The following IVD variants were observed in gnomAD, a reference collection of about 807,000 sequenced individuals.
The protein encoded by IVD is isovaleryl-CoA dehydrogenase.
Under a neutral mutation model 51.3 loss-of-function variants are expected in IVD, and 31 were observed. That is an observed-to-expected ratio of 0.60 (90% confidence interval 0.45 to 0.81). The LOEUF (loss-of-function observed/expected upper bound fraction) is 0.81. Among genes scored for constraint, IVD ranks in the 40% least tolerant of loss-of-function variants. The pLI is 0.00. For synonymous variants in IVD, 205 were observed against 219.4 expected (o/e 0.93, Z 0.58); for missense variants, 475 against 552.0 (o/e 0.86, Z 1.40).
Position 40,420,276 on chromosome 15 carries a change from A to C in IVD, c.*2013A>C. 4.1e-6 allele frequency: 4 copies of C among 987,572 alleles called. No individual in the cohort carries two copies. The highest frequency in any genetic ancestry group is 4.8e-6 in the Non-Finnish European group (4 of 830,152). 61.2% of individuals were successfully genotyped at this position (987,572 alleles called of 1,614,324 possible). On this transcript the variant is annotated 3_prime_UTR_variant, in exon 12 of 12. Coordinates refer to ENST00000487418, the MANE Select transcript of IVD (RefSeq NM_002225.5). ...ACCATCCAGTCCTGGCCGTGTGACC[A>C]CCCACAGCTGACTGGGCAGCAGGCA... is the stretch of plus-strand genomic sequence containing the variant.
chr15:40,406,597 C>T (rs1890444156), intron 1 of IVD, among the ~76,000 whole-genome samples: 1 of 148,444 alleles, frequency 6.7e-6, no homozygotes, highest in African/African-American at 2.5e-5. Flanking sequence ...GGTTTGAGAT[C>T]AGCCTAAGCA....
intron 8 of IVD, chr15:40,435,389 C>A (rs765297953): frequency 6.4e-6 from 7 of 1,094,500 alleles, no homozygotes; most frequent in Non-Finnish European, 7.9e-6. Flanking sequence ...TTGTGGACAG[C>A]GCTAAAAGAG....
downstream of IVD, among the ~76,000 whole-genome samples, chr15:40,425,865 A>C (rs1371451276): frequency 3.3e-5 from 5 of 152,084 alleles, no homozygotes; most frequent in East Asian, 9.7e-4. Context: ...GCTGGAGTGC[A>C]GCGGCGCAGT....
downstream of IVD, among the ~76,000 whole-genome samples, chr15:40,421,590 G>A (rs941268982): frequency 8.5e-5 from 13 of 152,202 alleles, no homozygotes; most frequent in African/African-American, 3.1e-4. Context: ...TGGCAACCTA[G>A]AATAAATGCA....
Position 40,420,180 on chromosome 15 carries a change from T to C in IVD, c.*1917T>C. On this transcript the variant is annotated 3_prime_UTR_variant, in exon 12 of 12. Coordinates refer to ENST00000487418, the MANE Select transcript of IVD (RefSeq NM_002225.5). Reference sequence around the variant, plus strand: ...GGCAGAGCAGAGGACAGCGTGCTTTTGTGTACTGTTGGAAGACTGGCTCCT... The same window carrying C: ...GGCAGAGCAGAGGACAGCGTGCTTTCGTGTACTGTTGGAAGACTGGCTCCT... 1.0e-6 allele frequency: 1 copy of C among 985,790 alleles called. No homozygotes were observed. The highest frequency in any genetic ancestry group is 1.2e-6 in the Non-Finnish European group (1 of 830,128). The allele number at this position is 985,790 out of a possible 1,614,324, so 61.1% of individuals were successfully genotyped here. A position where few individuals can be genotyped will look rare whatever the true frequency, so the allele number is the denominator to read the frequency against.
Position 40,420,959 on chromosome 15 carries a change from C to G in IVD, c.*2696C>G, listed in dbSNP as rs1459068145. 3.0e-6 allele frequency: 3 copies of G among 985,418 alleles called. No homozygotes were observed. The highest frequency in any genetic ancestry group is 3.6e-6 in the Non-Finnish European group (3 of 830,006). The allele number at this position is 985,418 out of a possible 1,614,324, so 61.0% of individuals were successfully genotyped here. ...GCAGCACCTATCCTGGCTCTTGGTC[C>G]TGGCCTGCAGCCAAGTGCTGTTCCT... is the stretch of plus-strand genomic sequence containing the variant. On this transcript the variant is annotated 3_prime_UTR_variant, in exon 12 of 12. Coordinates refer to ENST00000487418, the MANE Select transcript of IVD (RefSeq NM_002225.5).
intron 7 of IVD, among the ~76,000 whole-genome samples, chr15:40,432,252 C>G (rs1321547901): frequency 6.6e-6 from 1 of 152,196 alleles, no homozygotes; most frequent in African/African-American, 2.4e-5. Flanking sequence ...CCTATCATAT[C>G]TAAGTCTTGA....
chr15:40,430,390 T>G (rs1396602831), intron 7 of IVD, among the ~76,000 whole-genome samples: 1 of 152,210 alleles, frequency 6.6e-6, no homozygotes, highest in Non-Finnish European at 1.5e-5. Context: ...GGAGTGTGAC[T>G]GAGCCCGAGA....
Position 40,420,904 on chromosome 15 carries a change from A to C in IVD, c.*2641A>C. On this transcript the variant is annotated 3_prime_UTR_variant, in exon 12 of 12. Coordinates refer to ENST00000487418, the MANE Select transcript of IVD (RefSeq NM_002225.5). ...TCCACCCCTTCCGAGTTCCAAAAAGAGGGAACTGGTTTTCTTGGTTCTCAG... is the reference window on the plus strand; with the variant it reads ...TCCACCCCTTCCGAGTTCCAAAAAGCGGGAACTGGTTTTCTTGGTTCTCAG... 17 of 985,598 alleles carry C rather than the reference A, an allele frequency of 1.7e-5. No homozygotes were observed. The highest frequency in any genetic ancestry group is 2.0e-5 in the Non-Finnish European group (17 of 830,060). The allele number at this position is 985,598 out of a possible 1,614,324, so 61.1% of individuals were successfully genotyped here. A position where few individuals can be genotyped will look rare whatever the true frequency, so the allele number is the denominator to read the frequency against.
In IVD at chr15:40,418,288, C is replaced by T. The variant is rs769056725; in HGVS notation, c.*25C>T. 6.8e-6 allele frequency: 11 copies of T among 1,613,412 alleles called. No individual in the cohort carries two copies. The highest frequency in any genetic ancestry group is 9.3e-6 in the Non-Finnish European group (11 of 1,179,666). Reference sequence around the variant, plus strand: ...GTCCTGAGACCCTTCGCCCCCTTTTCCTGCACCTAGTGGCCTTTCTTGGGA... The same window carrying T: ...GTCCTGAGACCCTTCGCCCCCTTTTTCTGCACCTAGTGGCCTTTCTTGGGA... On this transcript the variant is annotated 3_prime_UTR_variant, in exon 12 of 12. Transcript: ENST00000487418.
rs1891679535 is a variant in IVD, at chr15:40,416,337, A to G, written c.1113A>G (p.Val371=). The change falls in exon 11 of 12, where the codon GTA becomes GTG. Residue 371 remains valine (V), a synonymous_variant. Coordinates refer to ENST00000487418, the MANE Select transcript of IVD (RefSeq NM_002225.5). ...ACTCAGCTGAGTGTGCCACACAGGTAGCCCTGGACGGCATTCAGTGTTTTG... is the reference window on the plus strand; with the variant it reads ...ACTCAGCTGAGTGTGCCACACAGGTGGCCCTGGACGGCATTCAGTGTTTTG... ...ILYSAECATQ[V]ALDGIQCFGG... 1.2e-6 allele frequency: 2 copies of G among 1,614,048 alleles called. No individual in the cohort carries two copies. The highest frequency in any genetic ancestry group is 8.5e-7 in the Non-Finnish European group (1 of 1,180,044).
chr15:40,411,812 G>A (rs907279440), intron 6 of IVD, 121 bp downstream of exon 6: 12 of 1,241,282 alleles, frequency 9.7e-6, no homozygotes, highest in Non-Finnish European at 1.4e-5. Context: ...CCCCAGAGGT[G>A]GGGGTGAGGC....
At position 40,416,174 on chromosome 15, in the gene IVD, A is replaced by C. The variant is rs1231998539; in HGVS notation, c.1057A>C (p.Thr353Pro). Residue 353 changes from threonine (T) to proline (P), a missense_variant, in exon 10 of 12, where the codon ACT becomes CCT. Transcript: ENST00000487418. Reference protein sequence around the residue: ...VAKACDEGHCTAKDCAGVILY... With the variant: ...VAKACDEGHCPAKDCAGVILY... ...CAAGGCCTGCGATGAGGGCCATTGC[A>C]CTGCTAAGGTGAGGGCCAGCCTCAG... is the stretch of plus-strand genomic sequence containing the variant. 6.2e-7 allele frequency: 1 copy of C among 1,614,012 alleles called. No homozygotes were observed. The highest frequency in any genetic ancestry group is 8.5e-7 in the Non-Finnish European group (1 of 1,179,966).
In IVD at chr15:40,429,629, C is replaced by T. The variant is rs1892860334; in HGVS notation, c.720-4225C>T. ...CAAAGCAGGGGGCGGGGGCAGGCTG[C>T]AGGGAGGATAACTTCTTCGCCCTCC... On this transcript the variant is annotated intron_variant, in intron 7 of 8. Coordinates refer to the IVD transcript ENST00000473112. Among the ~76,000 whole-genome samples the T allele has an allele frequency of 2.6e-5, 4 of 152,282 alleles. No individual in the cohort carries two copies. In the South Asian group the frequency reaches 8.3e-4, roughly 32 times the overall value.
At position 40,420,757 on chromosome 15, in the gene IVD, C is replaced by G. The variant is rs781683880; in HGVS notation, c.*2494C>G. 1.0e-6 allele frequency: 1 copy of G among 985,578 alleles called. No homozygotes were observed. Among genetic ancestry groups the G allele is most frequent in the Non-Finnish European group, 1.2e-6 (1 of 830,116 alleles). 61.1% of individuals were successfully genotyped at this position (985,578 alleles called of 1,614,324 possible). Reference sequence around the variant, plus strand: ...CAATTTGACTTTCTCAAGGTCAAAACGAACTAGAATCCAGATCTGCTCATG... The same window carrying G: ...CAATTTGACTTTCTCAAGGTCAAAAGGAACTAGAATCCAGATCTGCTCATG... On this transcript the variant is annotated 3_prime_UTR_variant, in exon 12 of 12. Transcript: ENST00000487418.
chr15:40,433,986 A>C (rs1893128255), intron 8 of IVD: 1 of 453,002 alleles, frequency 2.2e-6, no homozygotes, highest in African/African-American at 2.0e-5. Flanking sequence ...GACACTGCAA[A>C]GGGCTGCACC....
chr15:40,425,966 A>ATTTTTTTT (rs35191817), downstream of IVD, among the ~76,000 whole-genome samples: 5 of 140,614 alleles, frequency 3.6e-5, no homozygotes, highest in Non-Finnish European at 3.1e-5. Context: ...CAGTCCGGCT[A>ATTTTTTTT]TTTTTTTTTT....
At chr15:40,423,782 A>G (rs1030703054), downstream of IVD, among the ~76,000 whole-genome samples, 3 of 152,206 alleles carry the variant, frequency 2.0e-5, no homozygotes, top group African/African-American at 7.2e-5. Flanking sequence ...TTTAAAGTGC[A>G]TACATTTGAT....
downstream of IVD, among the ~76,000 whole-genome samples, chr15:40,422,585 C>CTTTTTTTTTTTTTTTTTTTTTTTT (rs1157351420): frequency 1.4e-5 from 1 of 69,154 alleles, no homozygotes; most frequent in Non-Finnish European, 2.5e-5. Flanking sequence ...GCCCGGCCGA[C>CTTTTTTTTTTTTTTTTTTTTTTTT]TTTTTTTTTT....
Sources: gnomAD v4.1 joint callset for allele counts (sites outside exome capture counted in the v4.1 genomes callset) on GRCh38, gnomAD v4.1.1 for gene constraint, MANE v1.5 for transcripts, NCBI Gene and HGNC (gene_info 2026-07-23, HGNC 2026-07-21) for gene names.